Variants in CHMP2B observed in about 807,000 individuals in gnomAD.
CHMP2B encodes the protein charged multivesicular body protein 2B, also known as VPS2 homolog B.
In CHMP2B, 22 loss-of-function variants were observed where a neutral mutation model predicts 29.8. The observed-to-expected ratio is 0.74, with a 90% CI of 0.53 to 1.05. The LOEUF (loss-of-function observed/expected upper bound fraction) is 1.05. Ranked by LOEUF, CHMP2B falls within the 50% of genes least tolerant of loss-of-function variation. The probability of loss-of-function intolerance (pLI) is 0.00; values close to 1 mark genes in which losing one functional copy is unlikely to be tolerated. For synonymous variants in CHMP2B, 78 were observed against 75.8 expected, an observed-to-expected ratio of 1.03 and a Z score of -0.15; for missense variants, 261 against 252.2, an observed-to-expected ratio of 1.03 and a Z score of -0.24.
intron 2 of CHMP2B, among the ~76,000 whole-genome samples, chr3:87,241,360 G>T (rs1049724447): frequency 5.3e-5 from 8 of 152,048 alleles, no homozygotes; most frequent in African/African-American, 1.9e-4. Context: ...ATAGGTTTTT[G>T]ACATATGTAT....
intron 3 of CHMP2B, among the ~76,000 whole-genome samples, chr3:87,249,023 T>C (rs1706266209): frequency 1.3e-5 from 2 of 152,116 alleles, no homozygotes; most frequent in Admixed American, 1.3e-4. Context: ...CTTAGGCAAT[T>C]TCATCATTGT....
In CHMP2B at chr3:87,240,751, CAG is replaced by C; in HGVS notation, c.91_92del (p.Asp31SerfsTer16). 1 of 1,613,624 alleles carries C rather than the reference CAG, an allele frequency of 6.2e-7. No individual in the cohort carries two copies. The highest frequency in any genetic ancestry group is 8.5e-7 in the Non-Finnish European group (1 of 1,179,666). ...ELRGTQRAII[R>X]DRAALEKQEK... ...TACGAGGTACACAGAGGGCTATAAT[CAG>C]AGATCGAGCAGCTTTAGAGAAACAA... On this transcript the variant is annotated frameshift_variant, in exon 2 of 6. Transcript: ENST00000263780. LOFTEE classifies it high-confidence loss of function.
At chr3:87,239,400 G>C (rs1336191169) in intron 1 of CHMP2B, among the ~76,000 whole-genome samples, 1 of 152,016 alleles carries the variant, frequency 6.6e-6, no homozygotes, top group African/African-American at 2.4e-5. Context: ...CTTACATTTA[G>C]GTTATTGGTC....
chr3:87,232,419 G>C (rs1267701215), intron 1 of CHMP2B, among the ~76,000 whole-genome samples: 2 of 152,052 alleles, frequency 1.3e-5, no homozygotes, highest in Non-Finnish European at 2.9e-5. Flanking sequence ...TCTTTCCCAG[G>C]ATGCTATGTG....
At chr3:87,248,913 A>G (rs1013868718) in intron 3 of CHMP2B, among the ~76,000 whole-genome samples, 6 of 152,322 alleles carry the variant, frequency 3.9e-5, no homozygotes, top group African/African-American at 1.4e-4. Flanking sequence ...TAGCTATATA[A>G]TGCATACATA....
At chr3:87,247,669 G>A (rs566334050) in intron 3 of CHMP2B, among the ~76,000 whole-genome samples, 1 of 152,268 alleles carries the variant, frequency 6.6e-6, no homozygotes, top group Non-Finnish European at 1.5e-5. Flanking sequence ...TAATGAGTAG[G>A]TAAATTCTCA....
chr3:87,253,951 G>A lies in CHMP2B; in HGVS notation c.*129G>A. 1 of 655,706 alleles carries A rather than the reference G, an allele frequency of 1.5e-6. No homozygotes were observed. Among genetic ancestry groups the A allele is most frequent in the East Asian group, 2.8e-5 (1 of 35,246 alleles). 40.6% of individuals were successfully genotyped at this position (655,706 alleles called of 1,614,324 possible). On this transcript the variant is annotated 3_prime_UTR_variant, in exon 6 of 6. Coordinates refer to ENST00000263780, the MANE Select transcript of CHMP2B (RefSeq NM_014043.4). ...AAATGAAGACCATGAGTGAACAGTT[G>A]TTTCCTAACCCATGGCTATTTAGAA...
chr3:87,252,370 T>A (rs1706330345), intron 4 of CHMP2B, among the ~76,000 whole-genome samples: 1 of 151,808 alleles, frequency 6.6e-6, no homozygotes. Context: ...CTAGCTGCTT[T>A]AATTTTTTTT....
chr3:87,246,675 T>G (rs1325605428), intron 3 of CHMP2B, among the ~76,000 whole-genome samples: 1 of 152,236 alleles, frequency 6.6e-6, no homozygotes, highest in African/African-American at 2.4e-5. Context: ...TATGTTTAAC[T>G]TACTGTATAC....
chr3:87,251,156 T>A (rs546217725), intron 4 of CHMP2B, among the ~76,000 whole-genome samples: 1 of 151,910 alleles, frequency 6.6e-6, no homozygotes, highest in African/African-American at 2.4e-5. Flanking sequence ...ATAAACTCAT[T>A]GTTCTAGTAT....
At chr3:87,249,066 A>G (rs776178436) in intron 3 of CHMP2B, among the ~76,000 whole-genome samples, 4 of 152,152 alleles carry the variant, frequency 2.6e-5, no homozygotes, top group Non-Finnish European at 4.4e-5. Context: ...ACATAAACCT[A>G]GGTGATACAG....
rs191657988 is a variant in CHMP2B, at chr3:87,249,282, A to T, written c.322-593A>T. On this transcript the variant is annotated intron_variant, in intron 3 of 5. Transcript: ENST00000263780. Reference sequence around the variant, plus strand: ...GTGGGTAATTAACCAAAATGTAAGCACATGAAACATGATTGTAAATAAATT... The same window carrying T: ...GTGGGTAATTAACCAAAATGTAAGCTCATGAAACATGATTGTAAATAAATT... Among the ~76,000 whole-genome samples the T allele has an allele frequency of 2.2e-3, 339 of 152,310 alleles. 1 individual carries two copies. The highest frequency in any genetic ancestry group is 3.9e-3 in the Non-Finnish European group (266 of 68,002).
Position 87,253,755 on chromosome 3 carries a change from C to T in CHMP2B, c.575C>T (p.Ser192Phe). 1.2e-6 allele frequency: 2 copies of T among 1,612,576 alleles called. No individual in the cohort carries two copies. The highest frequency in any genetic ancestry group is 1.7e-6 in the Non-Finnish European group (2 of 1,178,882). ...GCTGCTCGAAGCTTACCATCTGCCT[C>T]TACTTCAAAGGCTACAATCTCAGAT... ...PSAARSLPSA[S>F]TSKATISDEE... The change falls in exon 6 of 6, where the codon TCT (serine) becomes TTT (phenylalanine). Residue 192 changes from serine to phenylalanine, a missense_variant. Transcript: ENST00000263780.
chr3:87,232,738 G>A (rs937854285), intron 1 of CHMP2B, among the ~76,000 whole-genome samples: 1 of 152,032 alleles, frequency 6.6e-6, no homozygotes, highest in African/African-American at 2.4e-5. Flanking sequence ...AGGACACATT[G>A]CCTCTCATTC....
In CHMP2B at chr3:87,227,387, GCGACCC is replaced by G; in HGVS notation, c.-130_-125del. 1 of 951,842 alleles carries G rather than the reference GCGACCC, an allele frequency of 1.1e-6. No homozygotes were observed. Among genetic ancestry groups the G allele is most frequent in the Non-Finnish European group, 1.7e-6 (1 of 594,972 alleles). The allele number at this position is 951,842 out of a possible 1,614,324, so 59.0% of individuals were successfully genotyped here. A position where few individuals can be genotyped will look rare whatever the true frequency, so the allele number is the denominator to read the frequency against. ...ACAAGCCTTCCGCGGGTCCTGCCTGGCGACCCCGACCTCCTCCTGCTGTCTCTCCGC... is the reference window on the plus strand; with the variant it reads ...ACAAGCCTTCCGCGGGTCCTGCCTGGCGACCTCCTCCTGCTGTCTCTCCGC... On this transcript the variant is annotated 5_prime_UTR_variant, in exon 1 of 6. Coordinates refer to ENST00000263780, the MANE Select transcript of CHMP2B (RefSeq NM_014043.4).
In CHMP2B at chr3:87,240,768, T is replaced by C; in HGVS notation, c.104T>C (p.Leu35Ser). Residue 35 changes from leucine to serine, a missense_variant, in exon 2 of 6, where the codon TTA becomes TCA. Physicochemically the swap from Leu to Ser is moderately radical, Grantham distance 145. Transcript: ENST00000263780. ...GCTATAATCAGAGATCGAGCAGCTT[T>C]AGAGAAACAAGAAAAACAGCTGGTA... ...QRAIIRDRAALEKQEKQLELE... is the reference protein window; with the variant it reads ...QRAIIRDRAASEKQEKQLELE... 5 of 1,613,430 alleles carry C rather than the reference T, an allele frequency of 3.1e-6. No individual in the cohort carries two copies. Among genetic ancestry groups the C allele is most frequent in the Non-Finnish European group, 4.2e-6 (5 of 1,179,448 alleles).
At chr3:87,250,474 G>A (rs1320754106) in intron 4 of CHMP2B, among the ~76,000 whole-genome samples, 1 of 151,934 alleles carries the variant, frequency 6.6e-6, no homozygotes, top group Non-Finnish European at 1.5e-5. Flanking sequence ...GCACTCAGAT[G>A]TAGTTACCGT....
intron 1 of CHMP2B, among the ~76,000 whole-genome samples, chr3:87,235,530 T>C (rs1445299526): frequency 1.3e-5 from 2 of 152,236 alleles, no homozygotes; most frequent in African/African-American, 2.4e-5. Flanking sequence ...GGCTGTGGAA[T>C]ATGCAGTAGT....
chr3:87,232,858 C>T (rs146076230), intron 1 of CHMP2B, among the ~76,000 whole-genome samples: 9 of 152,290 alleles, frequency 5.9e-5, no homozygotes, highest in Admixed American at 5.9e-4. Context: ...ACTCAAAAGT[C>T]TACTGACATG....
Sources: gnomAD v4.1 joint callset for allele counts (sites outside exome capture counted in the v4.1 genomes callset) on GRCh38, gnomAD v4.1.1 for gene constraint, MANE v1.5 for transcripts, NCBI Gene and HGNC (gene_info 2026-07-23, HGNC 2026-07-21) for gene names.